Variants in ABL2 observed in about 807,000 individuals in gnomAD.
ABL2 encodes the protein tyrosine-protein kinase ABL2.
Under a neutral mutation model 107.7 loss-of-function variants are expected in ABL2, and 49 were observed. The ratio of observed to expected loss-of-function variants is 0.45; its 90% CI spans 0.36 to 0.58. The LOEUF is 0.58. Ranked by LOEUF, ABL2 falls within the 20% of genes least tolerant of loss-of-function variation. ABL2 has a pLI of 0.00. For synonymous variants in ABL2, 549 were observed against 548.6 expected (o/e 1.00, Z -0.01); for missense variants, 1,245 against 1,457.0 (o/e 0.85, Z 2.37).
chr1:179,225,326 C>G (rs2124875156), intron 1 of ABL2, among the ~76,000 whole-genome samples: 1 of 152,156 alleles, frequency 6.6e-6, no homozygotes, highest in Middle Eastern at 3.4e-3. Flanking sequence ...ATATTAAAAC[C>G]TACATGTAAA....
intron 1 of ABL2, among the ~76,000 whole-genome samples, chr1:179,186,790 G>A (rs1660704501): frequency 6.6e-6 from 1 of 152,062 alleles, no homozygotes; most frequent in South Asian, 2.1e-4. Context: ...AGGCTGGAGT[G>A]CAATGGTGCA....
At chr1:179,205,444 T>A (rs1661914142) in intron 1 of ABL2, among the ~76,000 whole-genome samples, 1 of 152,262 alleles carries the variant, frequency 6.6e-6, no homozygotes, top group East Asian at 1.9e-4. Flanking sequence ...CAGTGAGATA[T>A]AAAAGGAAGT....
intron 1 of ABL2, among the ~76,000 whole-genome samples, chr1:179,165,954 C>A (rs1211476364): frequency 6.6e-6 from 1 of 152,056 alleles, no homozygotes; most frequent in African/African-American, 2.4e-5. Context: ...TGCTACCACG[C>A]CCAGCTAATT....
chr1:179,130,936 A>ATTTTTTTTTTTTTT (rs11382795), intron 3 of ABL2, among the ~76,000 whole-genome samples: 1 of 142,618 alleles, frequency 7.0e-6, no homozygotes. Flanking sequence ...TTTCAGGATA[A>ATTTTTTTTTTTTTT]TTTTTTTTTT....
intron 1 of ABL2, among the ~76,000 whole-genome samples, chr1:179,160,232 A>G (rs928036540): frequency 1.3e-5 from 2 of 152,126 alleles, no homozygotes; most frequent in Admixed American, 1.3e-4. Flanking sequence ...TATCTACTTC[A>G]GCCGGGGGTG....
At position 179,118,722 on chromosome 1, in the gene ABL2, T is replaced by A; in HGVS notation, c.1088A>T (p.Tyr363Phe). Residue 363 changes from tyrosine (Y) to phenylalanine (F), a missense_variant, in exon 7 of 12, where the codon TAC becomes TTC. Tyr to Phe is a conservative substitution (Grantham distance 22). This residue lies in a region of ABL2 where 320 missense variants were observed against 547.0 expected (regional missense o/e 0.59). Transcript: ENST00000502732. Reference sequence around the variant, plus strand: ...ATCCAGCAAATTCCCGTATGGCATGTATTCAGTCACAATGTAAAATGGTGG... The same window carrying A: ...ATCCAGCAAATTCCCGTATGGCATGAATTCAGTCACAATGTAAAATGGTGG... ...LEPPFYIVTE[Y>F]MPYGNLLDYL... 1.2e-6 allele frequency: 2 copies of A among 1,614,080 alleles called. No homozygotes were observed. Among genetic ancestry groups the A allele is most frequent in the East Asian group, 4.5e-5 (2 of 44,890 alleles).
chr1:179,155,764 A>C (rs1293914530), intron 1 of ABL2, among the ~76,000 whole-genome samples: 1 of 151,776 alleles, frequency 6.6e-6, no homozygotes, highest in African/African-American at 2.4e-5. Flanking sequence ...TATACAGCTC[A>C]TGCCAGAACT....
intron 1 of ABL2, among the ~76,000 whole-genome samples, chr1:179,173,491 C>G (rs913534204): frequency 6.6e-6 from 1 of 150,778 alleles, no homozygotes; most frequent in Non-Finnish European, 1.5e-5. Context: ...GCCTCTCTAG[C>G]AGCTGGGATT....
chr1:179,195,985 T>G (rs889078978), intron 1 of ABL2, among the ~76,000 whole-genome samples: 1 of 152,184 alleles, frequency 6.6e-6, no homozygotes, highest in African/African-American at 2.4e-5. Flanking sequence ...TATATGGTAG[T>G]GATGGATGGT....
Position 179,107,824 on chromosome 1 carries a change from T to C in ABL2, c.3443A>G (p.Gln1148Arg), listed in dbSNP as rs1309184677. The change falls in exon 12 of 12, where the codon CAG (glutamine) becomes CGG (arginine). Residue 1148 changes from glutamine (Q) to arginine (R), a missense_variant. Physicochemically the swap from Gln to Arg is conservative, Grantham distance 43 (BLOSUM62 1). Around this residue, in one of 3 missense-constraint regions of ABL2, gnomAD observed 761 missense variants for 766.4 expected, o/e 0.99. Transcript: ENST00000502732. The part of the protein sequence containing the change: ...EAVSKLELSL[Q>R]ELQVSSAAAG... ...AGCTGCTGAAGAAACCTGTAGCTCC[T>C]GCAGGCTGAGTTCCAGTTTGCTCAC... 6.2e-7 allele frequency: 1 copy of C among 1,614,222 alleles called. No homozygotes were observed. Among genetic ancestry groups the C allele is most frequent in the Non-Finnish European group, 8.5e-7 (1 of 1,180,046 alleles).
chr1:179,124,362 T>C (rs1361696643), intron 4 of ABL2, among the ~76,000 whole-genome samples: 1 of 151,688 alleles, frequency 6.6e-6, no homozygotes, highest in Non-Finnish European at 1.5e-5. Context: ...CCAAGAATTA[T>C]AACATGATCA....
chr1:179,171,106 A>C (rs1205824351), intron 1 of ABL2, among the ~76,000 whole-genome samples: 1 of 152,240 alleles, frequency 6.6e-6, no homozygotes, highest in Admixed American at 6.5e-5. Context: ...ATAATTAATA[A>C]AAACAGAAAT....
At chr1:179,199,676 T>G (rs1245924220) in intron 1 of ABL2, among the ~76,000 whole-genome samples, 1 of 151,800 alleles carries the variant, frequency 6.6e-6, no homozygotes, top group African/African-American at 2.4e-5. Flanking sequence ...CAATCACAGT[T>G]AATACCAGAA....
intron 8 of ABL2, among the ~76,000 whole-genome samples, chr1:179,116,593 C>G (rs1393454263): frequency 2.0e-5 from 3 of 151,460 alleles, no homozygotes; most frequent in African/African-American, 4.8e-5. Flanking sequence ...TCACCGCAAC[C>G]TCCACCTCCC....
In ABL2 at chr1:179,114,904, G is replaced by A. The variant is rs765679022; in HGVS notation, c.1535C>T (p.Pro512Leu). The change falls in exon 9 of 12, where the codon CCT (proline) becomes CTT (leucine). Residue 512 changes from proline (P) to leucine (L), a missense_variant. Around this residue, in one of 3 missense-constraint regions of ABL2, gnomAD observed 320 missense variants for 547.0 expected, o/e 0.59. Coordinates refer to ENST00000502732, the MANE Select transcript of ABL2 (RefSeq NM_007314.4). ...TGCTCTCATAAGTTCATAAACCTTA[G>A]GGGGGCATCCCTCAGGCTGTTCCAT... Reference protein sequence around the residue: ...YRMEQPEGCPPKVYELMRACW... With the variant: ...YRMEQPEGCPLKVYELMRACW... The A allele has an allele frequency of 5.6e-6, 9 of 1,609,008 alleles. No individual in the cohort carries two copies. Among genetic ancestry groups the A allele is most frequent in the African/African-American group, 1.3e-5 (1 of 74,880 alleles).
At chr1:179,136,324 A>G (rs1490616260) in intron 1 of ABL2, among the ~76,000 whole-genome samples, 1 of 151,438 alleles carries the variant, frequency 6.6e-6, no homozygotes, top group Non-Finnish European at 1.5e-5. Flanking sequence ...TCTGTGTAGA[A>G]AGAGGTAGAC....
intron 1 of ABL2, among the ~76,000 whole-genome samples, chr1:179,204,640 G>A (rs1273096102): frequency 2.0e-5 from 3 of 151,926 alleles, no homozygotes; most frequent in East Asian, 2.0e-4. Flanking sequence ...CCAGCTACTC[G>A]GGAGGCTGAG....
At position 179,121,730 on chromosome 1, in the gene ABL2, G is replaced by C. The variant is rs1283890711; in HGVS notation, c.825C>G (p.Ser275=). The C allele has an allele frequency of 9.9e-6, 16 of 1,613,940 alleles. No individual in the cohort carries two copies. Among genetic ancestry groups the C allele is most frequent in the Non-Finnish European group, 1.2e-5 (14 of 1,180,012 alleles). ...KCNKPTVYGV[S]PIHDKWEMER... ...CCATTTCCCATTTGTCGTGGATGGG[G>C]GACACACCATAGACTGTAGGCTTAT... Residue 275 remains serine, a synonymous_variant, in exon 5 of 12, where the codon TCC becomes TCG. Coordinates refer to ENST00000502732, the MANE Select transcript of ABL2 (RefSeq NM_007314.4).
chr1:179,135,344 G>T (rs1054575600), intron 1 of ABL2, among the ~76,000 whole-genome samples: 12 of 151,356 alleles, frequency 7.9e-5, no homozygotes, highest in African/African-American at 2.4e-4. Flanking sequence ...CTGCCCGGCC[G>T]CCCATTGTCT....
Sources: gnomAD v4.1 joint callset for allele counts (sites outside exome capture counted in the v4.1 genomes callset) on GRCh38, gnomAD v4.1.1 for gene constraint, gnomAD v4.1.1 regional missense constraint, MANE v1.5 for transcripts, NCBI Gene and HGNC (gene_info 2026-07-23, HGNC 2026-07-21) for gene names.